PABPC4L: variants seen among roughly 807,000 people sequenced by gnomAD.
The protein encoded by PABPC4L is poly(A) binding protein cytoplasmic 4 like.
For missense variants in PABPC4L, 452 were observed against 451.4 expected, an observed-to-expected ratio of 1.00 and a Z score of -0.01; for synonymous variants, 169 against 164.1, an observed-to-expected ratio of 1.03 and a Z score of -0.23.
At chr4:134,086,058 T>A in the PABPC4L span, among the ~76,000 whole-genome samples, 1 of 152,132 alleles carries the variant, frequency 6.6e-6, no homozygotes, top group Non-Finnish European at 1.5e-5. Flanking sequence ...CTGTACAAAC[T>A]GTCTAAAATA....
chr4:134,013,726 T>G, the PABPC4L span, among the ~76,000 whole-genome samples: 3 of 152,106 alleles, frequency 2.0e-5, no homozygotes, highest in Non-Finnish European at 4.4e-5. Context: ...CTCCCAAATC[T>G]TCCTTCTTTC....
the PABPC4L span, among the ~76,000 whole-genome samples, chr4:133,996,125 G>T: frequency 6.6e-6 from 1 of 152,104 alleles, no homozygotes. Flanking sequence ...GGGGGCTCAG[G>T]CAAAACCTCT....
the PABPC4L span, among the ~76,000 whole-genome samples, chr4:134,007,026 C>A: frequency 1.3e-5 from 2 of 151,620 alleles, no homozygotes; most frequent in African/African-American, 4.8e-5. Flanking sequence ...ACCAAATGCT[C>A]CAAAATATAC....
chr4:134,200,016 C>T lies in PABPC4L; in HGVS notation c.1004G>A (p.Gly335Asp). ...MQEEGQSKGF[G>D]LICFSSPEDA... is the part of the protein sequence containing the mutation. ...CTCAGGAGAGGAGAAGCAGATCAAG[C>T]CAAACCCTTTGCTCTGCCCCTCTTC... The change falls in exon 2 of 2, where the codon GGC (glycine) becomes GAC (aspartate). Residue 335 changes from glycine to aspartate, a missense_variant. Coordinates refer to ENST00000421491, the MANE Select transcript of PABPC4L (RefSeq NM_001114734.2). The T allele has an allele frequency of 6.4e-7, 1 of 1,551,638 alleles. No homozygotes were observed. The highest frequency in any genetic ancestry group is 8.7e-7 in the Non-Finnish European group (1 of 1,146,970).
Position 134,201,096 on chromosome 4 carries a change from C to T in PABPC4L, c.-77G>A, listed in dbSNP as rs2125710607. The T allele has an allele frequency of 6.4e-7, 1 of 1,550,970 alleles. No homozygotes were observed. Among genetic ancestry groups the T allele is most frequent in the South Asian group, 1.2e-5 (1 of 83,598 alleles). ...CCTGTGGGGGGATACTAGGTCACAG[C>T]TTTGGCCCGGTTCAAGTGTGGAGGC... On this transcript the variant is annotated 5_prime_UTR_variant, in exon 2 of 2. Coordinates refer to ENST00000421491, the MANE Select transcript of PABPC4L (RefSeq NM_001114734.2).
chr4:133,961,348 G>A, the PABPC4L span, among the ~76,000 whole-genome samples: 1 of 150,856 alleles, frequency 6.6e-6, no homozygotes, highest in Non-Finnish European at 1.5e-5. Flanking sequence ...TGAGAGACAG[G>A]ACTAGCTGGA....
In PABPC4L at chr4:134,200,224, G is replaced by A. The variant is rs1315675728; in HGVS notation, c.796C>T (p.Gln266Ter). The change falls in exon 2 of 2, where the codon CAA (glutamine) becomes TAA (stop). Residue 266 changes from glutamine (Q) to a stop codon, truncating the protein, a stop_gained. Coordinates refer to ENST00000421491, the MANE Select transcript of PABPC4L (RefSeq NM_001114734.2). LOFTEE classifies it low-confidence loss of function (END_TRUNC). ...NGQLIFVGRA[Q>*]KKVERQAELK... is the part of the protein sequence containing the mutation. The stretch of plus-strand genomic sequence containing the variant: ...TCAGCCTGTCGCTCGACTTTCTTTT[G>A]AGCCCGGCCTACAAAAATCAGCTGC... The A allele has an allele frequency of 2.6e-6, 4 of 1,551,766 alleles. No homozygotes were observed. Among genetic ancestry groups the A allele is most frequent in the Non-Finnish European group, 3.5e-6 (4 of 1,147,104 alleles).
chr4:134,162,378 G>T, the PABPC4L span, among the ~76,000 whole-genome samples: 1 of 151,844 alleles, frequency 6.6e-6, no homozygotes, highest in Non-Finnish European at 1.5e-5. Context: ...ATTAATACTA[G>T]ACCTAAGAAA....
chr4:134,013,299 C>T, the PABPC4L span, among the ~76,000 whole-genome samples: 1 of 151,970 alleles, frequency 6.6e-6, no homozygotes, highest in Non-Finnish European at 1.5e-5. Context: ...TTCTGTGCTA[C>T]AACCCCTTAT....
At chr4:133,988,983 A>G in the PABPC4L span, among the ~76,000 whole-genome samples, 2 of 152,170 alleles carry the variant, frequency 1.3e-5, no homozygotes, top group Non-Finnish European at 1.5e-5. Flanking sequence ...CACCCTCTGA[A>G]GCAGTGGTAT....
the PABPC4L span, among the ~76,000 whole-genome samples, chr4:134,104,595 A>G: frequency 6.6e-6 from 1 of 151,702 alleles, no homozygotes; most frequent in African/African-American, 2.4e-5. Context: ...CACCCTAGGT[A>G]CCTGCCTAGT....
the PABPC4L span, among the ~76,000 whole-genome samples, chr4:134,087,189 A>G: frequency 6.6e-6 from 1 of 152,226 alleles, no homozygotes; most frequent in East Asian, 1.9e-4. Flanking sequence ...CCAAATGTCC[A>G]ACAATGATAG....
chr4:134,066,513 C>T, the PABPC4L span, among the ~76,000 whole-genome samples: 9 of 152,090 alleles, frequency 5.9e-5, no homozygotes, highest in East Asian at 3.9e-4. Flanking sequence ...TCCTCTCTCC[C>T]TATTTGGATG....
the PABPC4L span, among the ~76,000 whole-genome samples, chr4:134,189,447 T>TAC: frequency 7.7e-4 from 117 of 152,240 alleles, 1 homozygote; most frequent in Non-Finnish European, 1.3e-3. Flanking sequence ...TATATATGTA[T>TAC]ACATACATAT....
chr4:134,029,062 T>A, the PABPC4L span, among the ~76,000 whole-genome samples: 1 of 152,188 alleles, frequency 6.6e-6, no homozygotes, highest in Non-Finnish European at 1.5e-5. Flanking sequence ...GCTTATGTTC[T>A]TTGTATAACA....
chr4:134,100,575 C>A, the PABPC4L span, among the ~76,000 whole-genome samples: 1 of 151,592 alleles, frequency 6.6e-6, no homozygotes, highest in Non-Finnish European at 1.5e-5. Context: ...CGCACATATT[C>A]TGTTTTTGTA....
the PABPC4L span, among the ~76,000 whole-genome samples, chr4:134,082,236 T>C: frequency 3.3e-5 from 5 of 152,184 alleles, no homozygotes; most frequent in Admixed American, 2.0e-4. Context: ...TCTTCTAGTC[T>C]CTTTTAAAAC....
At chr4:134,023,368 G>A in the PABPC4L span, among the ~76,000 whole-genome samples, 97 of 152,170 alleles carry the variant, frequency 6.4e-4, no homozygotes, top group Non-Finnish European at 1.3e-3. Flanking sequence ...TGTGTATGTG[G>A]GGAGACAGCT....
At chr4:134,056,627 A>G in the PABPC4L span, among the ~76,000 whole-genome samples, 1 of 151,990 alleles carries the variant, frequency 6.6e-6, no homozygotes, top group Non-Finnish European at 1.5e-5. Flanking sequence ...TTAATGTTAA[A>G]TTATTAATAT....
Sources: gnomAD v4.1 joint callset for allele counts (sites outside exome capture counted in the v4.1 genomes callset) on GRCh38, gnomAD v4.1.1 for gene constraint, MANE v1.5 for transcripts, NCBI Gene and HGNC (gene_info 2026-07-23, HGNC 2026-07-21) for gene names.